Variants in DYNC2H1 observed in about 807,000 individuals in gnomAD.
The protein encoded by DYNC2H1 is cytoplasmic dynein 2 heavy chain 1.
Under a neutral mutation model 570.0 loss-of-function variants are expected in DYNC2H1, and 410 were observed. The observed-to-expected ratio is 0.72, with a 90% confidence interval of 0.66 to 0.78. The LOEUF (loss-of-function observed/expected upper bound fraction) is 0.78, where lower values mean the gene tolerates loss of function less well. Among genes scored for constraint, DYNC2H1 ranks in the 30% least tolerant of loss-of-function variants. DYNC2H1 has a pLI of 0.00. For synonymous variants in DYNC2H1, 1,688 were observed against 1,677.6 expected, an observed-to-expected ratio of 1.01 and a Z score of -0.15; for missense variants, 4,865 against 5,046.4, an observed-to-expected ratio of 0.96 and a Z score of 1.09.
chr11:103,430,805 C>A (rs1266494189), intron 84 of DYNC2H1, among the ~76,000 whole-genome samples: 1 of 152,116 alleles, frequency 6.6e-6, no homozygotes, highest in Non-Finnish European at 1.5e-5. Context: ...CAAGCATGAT[C>A]TCCACCAGAA....
At chr11:103,220,332 TAGTC>T (rs1863538682) in intron 56 of DYNC2H1, among the ~76,000 whole-genome samples, 1 of 152,184 alleles carries the variant, frequency 6.6e-6, no homozygotes, top group South Asian at 2.1e-4. Context: ...TTGATTAAAT[TAGTC>T]AGCTAGTCCT....
rs1309544247 is a variant in DYNC2H1, at chr11:103,134,423, G to C, written c.2205+4G>C. 1 of 1,605,180 alleles carries C rather than the reference G, an allele frequency of 6.2e-7. No individual in the cohort carries two copies. Among genetic ancestry groups the C allele is most frequent in the South Asian group, 1.1e-5 (1 of 89,398 alleles). On this transcript the variant is annotated splice_donor_region_variant and intron_variant, in intron 15 of 88. Transcript: ENST00000375735. The stretch of plus-strand genomic sequence containing the variant: ...CTTAGCAACTGTAGAAGCACAGGTA[G>C]AGTATGTTTTATTTTGTGTGTATAC...
chr11:103,378,451 A>G (rs2135572713), intron 83 of DYNC2H1, among the ~76,000 whole-genome samples: 1 of 152,296 alleles, frequency 6.6e-6, no homozygotes, highest in Non-Finnish European at 1.5e-5. Context: ...TGAGCTAATT[A>G]GGGTAAGCCT....
chr11:103,390,111 A>T (rs1942073392), intron 83 of DYNC2H1, among the ~76,000 whole-genome samples: 1 of 152,124 alleles, frequency 6.6e-6, no homozygotes, highest in African/African-American at 2.4e-5. Context: ...AAAGTCTCCC[A>T]TTATTATTGT....
At chr11:103,135,426 A>C (rs962564984) in intron 15 of DYNC2H1, 69 bp from the exon 16 acceptor site, 3 of 1,331,212 alleles carry the variant, frequency 2.3e-6, no homozygotes, top group African/African-American at 3.0e-5. Flanking sequence ...ATGTGACATG[A>C]AAGTATTAAA....
intron 60 of DYNC2H1, among the ~76,000 whole-genome samples, chr11:103,232,402 T>G (rs1341756566): frequency 1.3e-5 from 2 of 151,950 alleles, no homozygotes; most frequent in Non-Finnish European, 2.9e-5. Context: ...TTCCATAAAG[T>G]TTCTGCTCTT....
At chr11:103,141,921 C>T (rs926430998) in intron 17 of DYNC2H1, among the ~76,000 whole-genome samples, 1 of 152,180 alleles carries the variant, frequency 6.6e-6, no homozygotes, top group Admixed American at 6.5e-5. Context: ...GGCGGGTGCC[C>T]CTCCCACAGC....
chr11:103,459,937 C>T (rs1448324320), intron 87 of DYNC2H1, among the ~76,000 whole-genome samples: 4 of 125,092 alleles, frequency 3.2e-5, no homozygotes, highest in African/African-American at 9.9e-5. Flanking sequence ...CCGGCCTGGG[C>T]GACAGAGCGA....
At chr11:103,253,575 C>T (rs1864926188) in intron 66 of DYNC2H1, 127 bp downstream of exon 66, 3 of 938,700 alleles carry the variant, frequency 3.2e-6, no homozygotes, top group Non-Finnish European at 4.6e-6. Context: ...GAAAATAATA[C>T]TTGTATGTTG....
At chr11:103,306,139 C>T (rs2135402640) in intron 77 of DYNC2H1, among the ~76,000 whole-genome samples, 1 of 152,298 alleles carries the variant, frequency 6.6e-6, no homozygotes, top group Admixed American at 6.5e-5. Flanking sequence ...TCTCGAACTC[C>T]TGGCCTCAAG....
chr11:103,335,550 G>A (rs941985185), intron 82 of DYNC2H1, among the ~76,000 whole-genome samples: 7 of 152,014 alleles, frequency 4.6e-5, no homozygotes, highest in African/African-American at 1.7e-4. Flanking sequence ...ATGGGAACCT[G>A]TACAAGGAAT....
intron 79 of DYNC2H1, among the ~76,000 whole-genome samples, chr11:103,314,478 TAAAAAAATGTTGCAATGGAGATCC>T (rs1937698071): frequency 6.6e-6 from 1 of 152,016 alleles, no homozygotes; most frequent in South Asian, 2.1e-4. Context: ...TTTGTGAATA[TAAAAAAATGTTGCAATGGAGATCC>T]CTATGCATGC....
chr11:103,198,665 G>A (rs771473915), intron 48 of DYNC2H1, among the ~76,000 whole-genome samples: 6 of 152,000 alleles, frequency 3.9e-5, no homozygotes, highest in Non-Finnish European at 7.4e-5. Context: ...AAACTGATTC[G>A]CCTGGAATGG....
At chr11:103,457,591 T>G (rs956495429) in intron 87 of DYNC2H1, among the ~76,000 whole-genome samples, 15 of 148,492 alleles carry the variant, frequency 1.0e-4, no homozygotes, top group South Asian at 4.3e-4. Flanking sequence ...TAAAACTATT[T>G]TTATACTTTT....
chr11:103,369,587 G>A lies in DYNC2H1; in HGVS notation c.12156+11228G>A, dbSNP rs1291479930. ...CTGTTTGAGGAGAGGAGGGTAAAAA[G>A]TGGGGAGGATTTTGTCTTGCATCTT... is the stretch of plus-strand genomic sequence containing the variant. On this transcript the variant is annotated intron_variant, in intron 83 of 88. Transcript: ENST00000375735. This position sits in a 1 kb window ranked among gnomAD's most constrained non-coding sequence, Gnocchi z 4.0. 6.6e-6 allele frequency among the ~76,000 whole-genome samples: 1 copy of A among 152,154 alleles called. No homozygotes were observed. Among genetic ancestry groups the A allele is most frequent in the African/African-American group, 2.4e-5 (1 of 41,434 alleles).
intron 5 of DYNC2H1, among the ~76,000 whole-genome samples, chr11:103,117,323 C>T (rs562096148): frequency 9.4e-5 from 14 of 148,610 alleles, no homozygotes; most frequent in African/African-American, 3.4e-4. Flanking sequence ...TACATGTGCA[C>T]AACGTGCAGG....
chr11:103,456,678 TACATACAGGTTG>T (rs1217255825), intron 87 of DYNC2H1, among the ~76,000 whole-genome samples: 3 of 152,132 alleles, frequency 2.0e-5, no homozygotes, highest in Non-Finnish European at 4.4e-5. Flanking sequence ...TACAATAAAC[TACATACAGGTTG>T]AGCATCCAAA....
At chr11:103,118,793 T>C (rs1166297506) in intron 6 of DYNC2H1, among the ~76,000 whole-genome samples, 4 of 152,232 alleles carry the variant, frequency 2.6e-5, no homozygotes, top group Admixed American at 2.6e-4. Flanking sequence ...TTATGCCATA[T>C]GGCATTTCTC....
At chr11:103,332,441 AC>A (rs1369587353) in intron 82 of DYNC2H1, among the ~76,000 whole-genome samples, 5 of 152,140 alleles carry the variant, frequency 3.3e-5, no homozygotes, top group Admixed American at 6.5e-5. Context: ...ATAAATTTCC[AC>A]CACCTCACCC....
Sources: gnomAD v4.1 joint callset for allele counts (sites outside exome capture counted in the v4.1 genomes callset) on GRCh38, gnomAD v4.1.1 for gene constraint, Gnocchi (gnomAD v3.1) non-coding constraint, MANE v1.5 for transcripts, NCBI Gene and HGNC (gene_info 2026-07-23, HGNC 2026-07-21) for gene names.